Variants in PCDH9 observed in about 807,000 individuals in gnomAD.
PCDH9 encodes the protein protocadherin 9, also known as protocadherin-9.
Under a neutral mutation model 70.6 loss-of-function variants are expected in PCDH9, and 24 were observed. The ratio of observed to expected loss-of-function variants is 0.34; its 90% CI spans 0.25 to 0.48. PCDH9 has a LOEUF of 0.48. Ranked by LOEUF, PCDH9 falls within the 20% of genes least tolerant of loss-of-function variation. The pLI is 0.99. For missense variants in PCDH9, 1,281 were observed against 1,503.6 expected, an observed-to-expected ratio of 0.85 and a Z score of 2.45; for synonymous variants, 562 against 558.5, an observed-to-expected ratio of 1.01 and a Z score of -0.09.
intron 3 of PCDH9, among the ~76,000 whole-genome samples, chr13:66,901,348 G>A (rs1356397782): frequency 5.9e-5 from 9 of 151,660 alleles, no homozygotes; most frequent in Admixed American, 4.6e-4. Context: ...ATTTAACACA[G>A]AAAGATATTT....
At chr13:66,984,613 C>T (rs2083851048) in intron 2 of PCDH9, among the ~76,000 whole-genome samples, 1 of 151,934 alleles carries the variant, frequency 6.6e-6, no homozygotes, top group African/African-American at 2.4e-5. Context: ...GATTCTAATG[C>T]TAAAATGGAA....
At chr13:66,580,288 C>T (rs774525507) in intron 4 of PCDH9, among the ~76,000 whole-genome samples, 5 of 151,880 alleles carry the variant, frequency 3.3e-5, no homozygotes, top group Non-Finnish European at 7.4e-5. Flanking sequence ...GCATATACAA[C>T]TATTTATTTT....
chr13:66,544,348 A>G (rs954174450), intron 4 of PCDH9, among the ~76,000 whole-genome samples: 1 of 152,178 alleles, frequency 6.6e-6, no homozygotes, highest in Non-Finnish European at 1.5e-5. Flanking sequence ...AGAACTTACC[A>G]AACATACTCA....
chr13:67,004,980 C>T (rs2084322214), intron 2 of PCDH9, among the ~76,000 whole-genome samples: 1 of 152,000 alleles, frequency 6.6e-6, no homozygotes, highest in Non-Finnish European at 1.5e-5. Context: ...ATATTCCTTT[C>T]CAAATTATTT....
chr13:67,154,605 TACACACAC>T lies in PCDH9; in HGVS notation c.3036+70792_3036+70799del, dbSNP rs765270091. 4.2e-3 allele frequency among the ~76,000 whole-genome samples: 390 copies of T among 93,268 alleles called. 8 individuals are homozygous for T. The highest frequency in any genetic ancestry group is 0.014 in the Middle Eastern group (2 of 142). The allele number at this position is 93,268 out of a possible 152,430, so 61.2% of individuals were successfully genotyped here. The stretch of plus-strand genomic sequence containing the variant: ...AAAAAAAAAAAAAAAAATATATATA[TACACACAC>T]ACACACACACACACACACACACACA... On this transcript the variant is annotated intron_variant, in intron 2 of 4. Coordinates refer to ENST00000377865, the MANE Select transcript of PCDH9 (RefSeq NM_203487.3).
chr13:66,651,593 A>T (rs1307192702), intron 3 of PCDH9, among the ~76,000 whole-genome samples: 1 of 152,078 alleles, frequency 6.6e-6, no homozygotes, highest in Non-Finnish European at 1.5e-5. Context: ...TATTTAAAGA[A>T]CTAATACCAA....
intron 2 of PCDH9, among the ~76,000 whole-genome samples, chr13:67,115,813 A>G (rs1201300238): frequency 6.6e-6 from 1 of 152,194 alleles, no homozygotes; most frequent in Non-Finnish European, 1.5e-5. Context: ...TTCATTAATT[A>G]ATGGATTAAA....
chr13:67,050,748 T>A (rs1416678569), intron 2 of PCDH9, among the ~76,000 whole-genome samples: 9 of 152,138 alleles, frequency 5.9e-5, no homozygotes, highest in African/African-American at 2.2e-4. Context: ...AGCCAGCAAA[T>A]TCTCTGCTCT....
At chr13:66,737,294 T>C (rs1200738736) in intron 3 of PCDH9, among the ~76,000 whole-genome samples, 5 of 152,194 alleles carry the variant, frequency 3.3e-5, no homozygotes, top group African/African-American at 9.7e-5. Flanking sequence ...TTAAGGTTGA[T>C]AAATTTAGCC....
At chr13:66,975,634 A>C (rs1215287797) in intron 2 of PCDH9, among the ~76,000 whole-genome samples, 1 of 152,000 alleles carries the variant, frequency 6.6e-6, no homozygotes, top group East Asian at 1.9e-4. Flanking sequence ...GGGGACAAGG[A>C]GACGGAAGAA....
chr13:66,686,580 A>T (rs2078405803), intron 3 of PCDH9, among the ~76,000 whole-genome samples: 1 of 152,330 alleles, frequency 6.6e-6, no homozygotes, highest in African/African-American at 2.4e-5. Flanking sequence ...ATTATAGAAC[A>T]AATGTTCTGC....
intron 2 of PCDH9, among the ~76,000 whole-genome samples, chr13:67,132,881 T>G (rs1203486071): frequency 6.6e-6 from 1 of 152,128 alleles, no homozygotes; most frequent in African/African-American, 2.4e-5. Flanking sequence ...CTCCAAGCCC[T>G]GCTGAGATCC....
At chr13:67,150,454 G>C (rs185773647) in intron 2 of PCDH9, among the ~76,000 whole-genome samples, 78 of 152,302 alleles carry the variant, frequency 5.1e-4, no homozygotes, top group Non-Finnish European at 2.4e-4. Flanking sequence ...GACTGCATTA[G>C]TAGGTAAAAA....
chr13:66,996,819 G>C (rs2084127176), intron 2 of PCDH9, among the ~76,000 whole-genome samples: 1 of 152,200 alleles, frequency 6.6e-6, no homozygotes, highest in African/African-American at 2.4e-5. Context: ...AAGTTAGGTG[G>C]AGACCTTACT....
intron 4 of PCDH9, among the ~76,000 whole-genome samples, chr13:66,335,722 T>G (rs1237176654): frequency 1.3e-5 from 2 of 152,162 alleles, no homozygotes; most frequent in African/African-American, 4.8e-5. Context: ...TGTGTTACTG[T>G]GAAATGTGGT....
intron 3 of PCDH9, among the ~76,000 whole-genome samples, chr13:66,803,979 A>G (rs886234008): frequency 6.6e-6 from 1 of 152,180 alleles, no homozygotes. Flanking sequence ...AGGGGCTACT[A>G]GAACAACTCA....
chr13:66,891,545 C>T (rs1247134007), intron 3 of PCDH9, among the ~76,000 whole-genome samples: 1 of 151,946 alleles, frequency 6.6e-6, no homozygotes, highest in Non-Finnish European at 1.5e-5. Flanking sequence ...ATGTTATGTC[C>T]TAAATACCTA....
chr13:67,203,577 T>C (rs1051532849), intron 2 of PCDH9: 3 of 152,116 alleles, frequency 2.0e-5, no homozygotes, highest in African/African-American at 7.2e-5. Context: ...AATAAGTCAT[T>C]TTAATATTGC....
intron 4 of PCDH9, among the ~76,000 whole-genome samples, chr13:66,611,246 C>T (rs1242821794): frequency 6.6e-6 from 1 of 152,046 alleles, no homozygotes; most frequent in Non-Finnish European, 1.5e-5. Flanking sequence ...GACTAACTGG[C>T]AAATTCACCC....
Sources: gnomAD v4.1 joint callset for allele counts (sites outside exome capture counted in the v4.1 genomes callset) on GRCh38, gnomAD v4.1.1 for gene constraint, MANE v1.5 for transcripts, NCBI Gene and HGNC (gene_info 2026-07-23, HGNC 2026-07-21) for gene names.